Variants in GTF3C1 observed in about 807,000 individuals in gnomAD.
The protein encoded by GTF3C1 is general transcription factor IIIC subunit 1.
GTF3C1 carries 57 observed loss-of-function variants against 226.7 expected under a neutral mutation model. The ratio of observed to expected loss-of-function variants is 0.25; its 90% CI spans 0.20 to 0.31. GTF3C1 has a LOEUF of 0.31. Among genes scored for constraint, GTF3C1 ranks in the 10% least tolerant of loss-of-function variants. GTF3C1 has a pLI of 1.00. For missense variants in GTF3C1, 2,217 were observed against 2,776.1 expected, an observed-to-expected ratio of 0.80 and a Z score of 4.53; for synonymous variants, 1,090 against 1,084.8, an observed-to-expected ratio of 1.00 and a Z score of -0.09.
In GTF3C1 at chr16:27,470,271, C is replaced by A. The variant is rs771632183; in HGVS notation, c.4651G>T (p.Glu1551Ter). ...RFSFKDQDNN[E>*]PTNDMVAFSL... ...AAGGCCACCATGTCGTTTGTGGGCT[C>A]GTTATTATCCTGGTCTTTGAAAGAG... Residue 1551 changes from glutamate to a stop codon, truncating the protein, a stop_gained, in exon 31 of 37, where the codon GAG (glutamate) becomes TAG (stop). Coordinates refer to ENST00000356183, the MANE Select transcript of GTF3C1 (RefSeq NM_001520.4). LOFTEE classifies it high-confidence loss of function. The surrounding 1 kb of genome is among the most constrained non-coding windows in gnomAD (Gnocchi z 4.9). 1.2e-6 allele frequency: 2 copies of A among 1,613,922 alleles called. No homozygotes were observed. The highest frequency in any genetic ancestry group is 1.7e-6 in the Non-Finnish European group (2 of 1,179,820).
At chr16:27,515,982 T>C (rs1490455199) in intron 6 of GTF3C1, among the ~76,000 whole-genome samples, 2 of 152,122 alleles carry the variant, frequency 1.3e-5, no homozygotes, top group African/African-American at 2.4e-5. Flanking sequence ...GTGATGGCGC[T>C]ATGTAGTGGC....
At position 27,462,443 on chromosome 16, in the gene GTF3C1, C is replaced by T. The variant is rs960880049; in HGVS notation, c.5968G>A (p.Val1990Met). Residue 1990 changes from valine to methionine, a missense_variant, in exon 36 of 37, where the codon GTG becomes ATG. Transcript: ENST00000356183. This position sits in a 1 kb window ranked among gnomAD's most constrained non-coding sequence, Gnocchi z 4.5. ...VCFIGRPWRV[V>M]DGHLNLPVCK... ...ACAGGAAGGTTCAGGTGGCCATCCA[C>T]GACACGCCACGGCCGGCCGATGAAG... The T allele has an allele frequency of 1.4e-5, 22 of 1,613,464 alleles. No individual in the cohort carries two copies. The highest frequency in any genetic ancestry group is 6.7e-5 in the Admixed American group (4 of 59,968).
intron 5 of GTF3C1, among the ~76,000 whole-genome samples, chr16:27,532,831 G>A (rs1404219846): frequency 6.6e-6 from 1 of 152,146 alleles, no homozygotes. Context: ...GAAGGACAAA[G>A]CACTCTTATT....
At position 27,492,833 on chromosome 16, in the gene GTF3C1, G is replaced by GCCC; in HGVS notation, c.2877-121_2877-120insGGG. On this transcript the variant is annotated intron_variant, in intron 17 of 36. Coordinates refer to ENST00000356183, the MANE Select transcript of GTF3C1 (RefSeq NM_001520.4). The surrounding 1 kb of genome is among the most constrained non-coding windows in gnomAD (Gnocchi z 5.0). ...TCTCTTTTCCACCTGGTGGTCACTG[G>GCCC]AGGACCAGCCTCAAGCCCACACTGC... 1 of 697,026 alleles carries GCCC rather than the reference G, an allele frequency of 1.4e-6. No individual in the cohort carries two copies. The highest frequency in any genetic ancestry group is 2.6e-6 in the Non-Finnish European group (1 of 386,446). 43.2% of individuals were successfully genotyped at this position (697,026 alleles called of 1,614,324 possible).
chr16:27,530,842 C>T (rs1274807304), intron 5 of GTF3C1, among the ~76,000 whole-genome samples: 6 of 152,210 alleles, frequency 3.9e-5, no homozygotes, highest in African/African-American at 9.6e-5. Flanking sequence ...CCTGCCTTTG[C>T]GCTGCCTCAG....
chr16:27,472,257 T>C (rs953771106), intron 29 of GTF3C1, among the ~76,000 whole-genome samples: 23 of 152,164 alleles, frequency 1.5e-4, no homozygotes, highest in African/African-American at 5.6e-4. Context: ...AATCATCTCG[T>C]CTACCACTCT....
intron 24 of GTF3C1, among the ~76,000 whole-genome samples, chr16:27,485,286 T>TG (rs2088121717): frequency 6.6e-6 from 1 of 152,218 alleles, no homozygotes; most frequent in Non-Finnish European, 1.5e-5. Context: ...AGCTGCCTTG[T>TG]GGCACTACTG....
chr16:27,519,700 A>G (rs2088715620), intron 6 of GTF3C1, among the ~76,000 whole-genome samples: 1 of 152,326 alleles, frequency 6.6e-6, no homozygotes, highest in African/African-American at 2.4e-5. Flanking sequence ...AGGGCAAGAG[A>G]AAAGAGAAAA....
intron 4 of GTF3C1, among the ~76,000 whole-genome samples, chr16:27,534,521 T>C (rs1411773356): frequency 6.6e-6 from 1 of 152,344 alleles, no homozygotes; most frequent in Middle Eastern, 3.4e-3. Context: ...CCACTCTGCA[T>C]AGAAGGCACT....
At chr16:27,528,136 A>G (rs1381801942) in intron 6 of GTF3C1, among the ~76,000 whole-genome samples, 1 of 152,208 alleles carries the variant, frequency 6.6e-6, no homozygotes, top group Non-Finnish European at 1.5e-5. Flanking sequence ...TTAGCCAGGC[A>G]TGGTGGCGGG....
At chr16:27,522,238 C>T (rs1362607997) in intron 6 of GTF3C1, among the ~76,000 whole-genome samples, 1 of 152,236 alleles carries the variant, frequency 6.6e-6, no homozygotes, top group East Asian at 1.9e-4. Flanking sequence ...CTCATCACCT[C>T]AAACCCTTTC....
Position 27,530,522 on chromosome 16 carries a change from C to T in GTF3C1, c.850-1801G>A, listed in dbSNP as rs563594315. Among the ~76,000 whole-genome samples the T allele has an allele frequency of 1.6e-4, 24 of 152,290 alleles. No homozygotes were observed. In the South Asian group the frequency reaches 2.9e-3, roughly 18 times the overall value. Reference sequence around the variant, plus strand: ...ACCAAATCCCCCCAAAAGGCAGCATCCATATTCATGGCCTCAGCTTCATCT... The same window carrying T: ...ACCAAATCCCCCCAAAAGGCAGCATTCATATTCATGGCCTCAGCTTCATCT... On this transcript the variant is annotated intron_variant, in intron 5 of 36. Transcript: ENST00000356183.
intron 6 of GTF3C1, among the ~76,000 whole-genome samples, chr16:27,525,782 G>A (rs994072766): frequency 6.6e-6 from 1 of 152,188 alleles, no homozygotes; most frequent in African/African-American, 2.4e-5. Flanking sequence ...ACAAAGTCAA[G>A]CACACAGGCT....
In GTF3C1 at chr16:27,549,822, C is replaced by T. The variant is rs759443244; in HGVS notation, c.69G>A (p.Ala23=). ...CTCGCGTCTCCAGCCGGCTCCACAG[C>T]GCTGGCAGACACAGGCCATCGAGCC... is the stretch of plus-strand genomic sequence containing the variant. ...LEGLDGLCLP[A]LWSRLETRVP... Residue 23 remains alanine (A), a synonymous_variant, in exon 1 of 37, where the codon GCG becomes GCA. Transcript: ENST00000356183. 6.2e-7 allele frequency: 1 copy of T among 1,612,982 alleles called. No homozygotes were observed. The highest frequency in any genetic ancestry group is 1.7e-5 in the Admixed American group (1 of 60,030).
intron 23 of GTF3C1, among the ~76,000 whole-genome samples, chr16:27,486,547 A>G (rs980634970): frequency 4.6e-5 from 7 of 152,014 alleles, no homozygotes; most frequent in African/African-American, 1.7e-4. Context: ...CTGTGCAGTC[A>G]CCAGGCCCCC....
At chr16:27,473,674 C>G (rs143023732) in intron 29 of GTF3C1, among the ~76,000 whole-genome samples, 1 of 152,214 alleles carries the variant, frequency 6.6e-6, no homozygotes, top group African/African-American at 2.4e-5. Flanking sequence ...GGGACCGGTG[C>G]GGTGGTCAGC....
rs149533099 is a variant in GTF3C1, at chr16:27,463,548, G to A, written c.5917C>T (p.Arg1973Trp). Residue 1973 changes from arginine to tryptophan, a missense_variant, in exon 35 of 37, where the codon CGG (arginine) becomes TGG (tryptophan). Around this residue, in one of 12 missense-constraint regions of GTF3C1, gnomAD observed 153 missense variants for 199.8 expected, o/e 0.77. Transcript: ENST00000356183. This position sits in a 1 kb window ranked among gnomAD's most constrained non-coding sequence, Gnocchi z 4.9. ...CCAGAACCCCACACCCACCTTTCCC[G>A]TGCTGCCTGGGAGATGTTGGCAGCT... ...FGAANISQAA[R>W]ERDCESVCFI... 127 of 1,592,948 alleles carry A rather than the reference G, an allele frequency of 8.0e-5. 1 individual carries two copies. Among genetic ancestry groups the A allele is most frequent in the South Asian group, 5.7e-4 (52 of 90,652 alleles).
chr16:27,491,909 G>A (rs565919305), intron 19 of GTF3C1, among the ~76,000 whole-genome samples: 4 of 152,160 alleles, frequency 2.6e-5, no homozygotes, highest in South Asian at 2.1e-4. Flanking sequence ...GGCTGTTCCC[G>A]AGCCCTGGAA....
rs1279542739 is a variant in GTF3C1 at position 27,497,789 on chromosome 16, C to A, written c.2198G>T (p.Gly733Val). ...VKTSQPPVPQ[G>V]EAEEDSQGKE... is the part of the protein sequence containing the mutation. ...TCCTTGACTGTCTTCTTCTGCCTCC[C>A]CTTGGGGCACTGGAGGCTGGGAAGT... The change falls in exon 14 of 37, where the codon GGG becomes GTG. Residue 733 changes from glycine to valine, a missense_variant. Coordinates refer to ENST00000356183, the MANE Select transcript of GTF3C1 (RefSeq NM_001520.4). 1.9e-6 allele frequency: 3 copies of A among 1,613,650 alleles called. No homozygotes were observed. Among genetic ancestry groups the A allele is most frequent in the Admixed American group, 1.7e-5 (1 of 59,898 alleles).
Sources: gnomAD v4.1 joint callset for allele counts (sites outside exome capture counted in the v4.1 genomes callset) on GRCh38, gnomAD v4.1.1 for gene constraint, gnomAD v4.1.1 regional missense constraint, Gnocchi (gnomAD v3.1) non-coding constraint, MANE v1.5 for transcripts, NCBI Gene and HGNC (gene_info 2026-07-23, HGNC 2026-07-21) for gene names.